GRM7: variants seen among roughly 807,000 people sequenced by gnomAD.
The protein encoded by GRM7 is metabotropic glutamate receptor 7.
Under a neutral mutation model 84.5 loss-of-function variants are expected in GRM7, and 35 were observed. The ratio of observed to expected loss-of-function variants is 0.41; its 90% CI spans 0.32 to 0.55. The LOEUF is 0.55. Ranked by LOEUF, GRM7 falls within the 20% of genes least tolerant of loss-of-function variation. The pLI, the probability that GRM7 is intolerant of heterozygous loss-of-function variation, is 0.19. For missense variants in GRM7, 1,003 were observed against 1,194.6 expected, an observed-to-expected ratio of 0.84 and a Z score of 2.36; for synonymous variants, 487 against 455.1, an observed-to-expected ratio of 1.07 and a Z score of -0.89.
At chr3:6,983,764 T>G (rs530383432) in intron 1 of GRM7, among the ~76,000 whole-genome samples, 1 of 152,010 alleles carries the variant, frequency 6.6e-6, no homozygotes, top group Non-Finnish European at 1.5e-5. Flanking sequence ...AGCACATTAT[T>G]TTTTTTCTAC....
At chr3:7,454,132 AAACT>A (rs1258571518) in intron 6 of GRM7, among the ~76,000 whole-genome samples, 1 of 114,450 alleles carries the variant, frequency 8.7e-6, no homozygotes, top group African/African-American at 3.6e-5. Flanking sequence ...TCTCTCTCAT[AAACT>A]AACATCACAA....
chr3:7,583,345 T>G (rs1413821790), intron 8 of GRM7, among the ~76,000 whole-genome samples: 1 of 152,188 alleles, frequency 6.6e-6, no homozygotes, highest in Non-Finnish European at 1.5e-5. Context: ...AAGTAAAATC[T>G]GCCTAGAACT....
intron 2 of GRM7, among the ~76,000 whole-genome samples, chr3:7,284,377 A>G (rs1418805009): frequency 6.6e-6 from 1 of 152,052 alleles, no homozygotes; most frequent in Admixed American, 6.6e-5. Flanking sequence ...AATCAAGATA[A>G]ATAGATCAAT....
intron 1 of GRM7, among the ~76,000 whole-genome samples, chr3:7,036,768 A>G (rs1198036779): frequency 1.4e-5 from 2 of 144,142 alleles, no homozygotes; most frequent in African/African-American, 5.2e-5. Flanking sequence ...GGTTTTCTAA[A>G]AATTAGCAAG....
At chr3:7,431,575 C>G (rs548054269) in intron 5 of GRM7, among the ~76,000 whole-genome samples, 5 of 152,192 alleles carry the variant, frequency 3.3e-5, no homozygotes, top group Admixed American at 2.0e-4. Context: ...GGTAACTTGA[C>G]TAGCCACTTG....
chr3:7,707,677 C>G (rs925534894), intron 9 of GRM7, among the ~76,000 whole-genome samples: 5 of 152,086 alleles, frequency 3.3e-5, no homozygotes, highest in African/African-American at 9.7e-5. Context: ...CAGAAATTTC[C>G]AAAATCTCTT....
intron 1 of GRM7, among the ~76,000 whole-genome samples, chr3:7,122,159 C>A (rs1435419064): frequency 6.6e-6 from 1 of 152,138 alleles, no homozygotes; most frequent in East Asian, 1.9e-4. Flanking sequence ...AGACAGTGAC[C>A]AAACCTAAGC....
chr3:7,670,320 G>A (rs1170999701), intron 8 of GRM7, among the ~76,000 whole-genome samples: 1 of 152,152 alleles, frequency 6.6e-6, no homozygotes, highest in East Asian at 1.9e-4. Flanking sequence ...CAGCAACAGA[G>A]GAAGATCAGC....
intron 1 of GRM7, among the ~76,000 whole-genome samples, chr3:7,145,564 C>T (rs1694081478): frequency 6.6e-6 from 1 of 151,930 alleles, no homozygotes; most frequent in Non-Finnish European, 1.5e-5. Flanking sequence ...CTCACATAGC[C>T]CAATTTCCAA....
At chr3:7,511,328 C>T (rs568741556) in intron 7 of GRM7, among the ~76,000 whole-genome samples, 1 of 151,860 alleles carries the variant, frequency 6.6e-6, no homozygotes, top group African/African-American at 2.4e-5. Flanking sequence ...GTTAAAATCA[C>T]ACCTGAGTAA....
intron 9 of GRM7, among the ~76,000 whole-genome samples, chr3:7,692,669 A>T (rs1380415524): frequency 4.6e-5 from 7 of 152,200 alleles, no homozygotes; most frequent in Non-Finnish European, 1.0e-4. Flanking sequence ...TCTTATTGAC[A>T]GGTGGCAAAA....
chr3:7,713,446 A>T (rs1264641439), intron 9 of GRM7, among the ~76,000 whole-genome samples: 2 of 151,906 alleles, frequency 1.3e-5, no homozygotes, highest in Non-Finnish European at 2.9e-5. Context: ...CCAGGATTTC[A>T]CTATATCTTT....
At chr3:7,275,922 A>G (rs1699035179) in intron 2 of GRM7, among the ~76,000 whole-genome samples, 1 of 151,960 alleles carries the variant, frequency 6.6e-6, no homozygotes, top group Non-Finnish European at 1.5e-5. Context: ...CAATTCAGTA[A>G]TTACACTTCA....
intron 2 of GRM7, among the ~76,000 whole-genome samples, chr3:7,277,765 A>G (rs1352292641): frequency 6.6e-6 from 1 of 152,144 alleles, no homozygotes; most frequent in East Asian, 1.9e-4. Context: ...TTAAAATGGA[A>G]ATGAAAGATA....
At chr3:6,925,294 C>T (rs900393314) in intron 1 of GRM7, among the ~76,000 whole-genome samples, 1 of 152,166 alleles carries the variant, frequency 6.6e-6, no homozygotes, top group African/African-American at 2.4e-5. Flanking sequence ...AGCAAAGTCC[C>T]TCAATAAGCA....
At chr3:7,019,514 T>C (rs1695696883) in intron 1 of GRM7, among the ~76,000 whole-genome samples, 1 of 152,194 alleles carries the variant, frequency 6.6e-6, no homozygotes, top group Non-Finnish European at 1.5e-5. Context: ...CCGACAAATA[T>C]AGATTGGCTG....
intron 1 of GRM7, among the ~76,000 whole-genome samples, chr3:7,025,122 A>G (rs1695932924): frequency 6.6e-6 from 1 of 152,180 alleles, no homozygotes; most frequent in African/African-American, 2.4e-5. Flanking sequence ...CCTCCTTTGC[A>G]TCACTCAGAC....
At chr3:7,081,994 C>T (rs1698289662) in intron 1 of GRM7, among the ~76,000 whole-genome samples, 1 of 152,038 alleles carries the variant, frequency 6.6e-6, no homozygotes, top group Non-Finnish European at 1.5e-5. Flanking sequence ...AATGCATTGC[C>T]ATCACATAAA....
chr3:7,536,685 T>C (rs558011239), intron 7 of GRM7, among the ~76,000 whole-genome samples: 2 of 152,308 alleles, frequency 1.3e-5, no homozygotes, highest in East Asian at 3.9e-4. Context: ...GGAAGCCAAA[T>C]GCACAGGCTC....
Sources: allele counts gnomAD v4.1 joint callset (sites outside exome capture counted in the v4.1 genomes callset), GRCh38; gene constraint gnomAD v4.1.1; transcripts MANE v1.5; gene names NCBI Gene and HGNC (gene_info 2026-07-23, HGNC 2026-07-21).